Variants in SNX29 observed in about 807,000 individuals in gnomAD.
SNX29 encodes sorting nexin-29.
Under a neutral mutation model 102.1 loss-of-function variants are expected in SNX29, and 78 were observed. That is an observed-to-expected ratio of 0.76 (90% confidence interval 0.64 to 0.92). The LOEUF is 0.92. Among genes scored for constraint, SNX29 ranks in the 40% least tolerant of loss-of-function variants. The pLI is 0.00. For synonymous variants in SNX29, 580 were observed against 414.5 expected (o/e 1.40, Z -4.85); for missense variants, 1,280 against 1,061.7 (o/e 1.21, Z -2.86).
At chr16:12,239,668 A>AT (rs2078041623) in intron 14 of SNX29, among the ~76,000 whole-genome samples, 1 of 128,730 alleles carries the variant, frequency 7.8e-6, no homozygotes, top group South Asian at 2.3e-4. Context: ...AAAAAAAAAA[A>AT]ATTAGTCCGG....
At chr16:12,198,397 T>TA (rs1289054877) in intron 13 of SNX29, among the ~76,000 whole-genome samples, 1 of 149,026 alleles carries the variant, frequency 6.7e-6, no homozygotes, top group Non-Finnish European at 1.5e-5. Flanking sequence ...ATTGGGGTCT[T>TA]ACCATGTTTT....
chr16:12,375,673 C>G (rs1364735523), intron 16 of SNX29: 1 of 152,192 alleles, frequency 6.6e-6, no homozygotes, highest in Non-Finnish European at 1.5e-5. Flanking sequence ...TTCACTGCGG[C>G]CAAAGAAAGC....
chr16:12,549,131 G>C (rs1005753050), intron 20 of SNX29, among the ~76,000 whole-genome samples: 3 of 152,118 alleles, frequency 2.0e-5, no homozygotes, highest in Non-Finnish European at 2.9e-5. Context: ...GAAAATTCTG[G>C]GGTAGTTTTG....
chr16:12,074,578 C>G (rs1219190966), intron 10 of SNX29, among the ~76,000 whole-genome samples: 2 of 152,162 alleles, frequency 1.3e-5, no homozygotes, highest in South Asian at 2.1e-4. Flanking sequence ...CCCGACCTTT[C>G]TCTCTGGCTG....
chr16:12,521,127 C>T (rs534459224), intron 19 of SNX29, among the ~76,000 whole-genome samples: 85 of 152,292 alleles, frequency 5.6e-4, no homozygotes, highest in Admixed American at 1.2e-3. Flanking sequence ...TTGCAGTGAG[C>T]TGAGATCGTG....
At chr16:12,100,005 G>A (rs767979227) in intron 11 of SNX29, among the ~76,000 whole-genome samples, 1 of 152,154 alleles carries the variant, frequency 6.6e-6, no homozygotes, top group Non-Finnish European at 1.5e-5. Flanking sequence ...CCCATGCAGC[G>A]GCTACTGTTA....
rs1380171738 is a variant in SNX29, at chr16:12,574,033, GTC to G, written c.*5406_*5407del. On this transcript the variant is annotated 3_prime_UTR_variant, in exon 21 of 21. Transcript: ENST00000566228. Reference sequence around the variant, plus strand: ...AGGGTAAGCAGGCCACATATCTAGAGTCTGATAGTCTGTGTGTACATAAGGTC... The same window carrying G: ...AGGGTAAGCAGGCCACATATCTAGAGTGATAGTCTGTGTGTACATAAGGTC... 6 of 194,888 alleles carry G rather than the reference GTC, an allele frequency of 3.1e-5. No individual in the cohort carries two copies. The highest frequency in any genetic ancestry group is 2.4e-4 in the East Asian group (3 of 12,304). The allele number at this position is 194,888 out of a possible 1,614,324, so 12.1% of individuals were successfully genotyped here.
At chr16:12,190,999 G>A (rs1486193241) in intron 13 of SNX29, among the ~76,000 whole-genome samples, 2 of 152,116 alleles carry the variant, frequency 1.3e-5, no homozygotes, top group African/African-American at 2.4e-5. Flanking sequence ...GTAGAGCAGC[G>A]GTCCCCAACT....
chr16:12,554,985 G>A (rs2078237489), intron 20 of SNX29, among the ~76,000 whole-genome samples: 1 of 151,952 alleles, frequency 6.6e-6, no homozygotes, highest in Non-Finnish European at 1.5e-5. Flanking sequence ...CAGTCAGCCG[G>A]AGCACCTTTC....
chr16:12,540,682 CTTG>C (rs919624923), intron 20 of SNX29, among the ~76,000 whole-genome samples: 11 of 152,338 alleles, frequency 7.2e-5, no homozygotes, highest in East Asian at 1.9e-4. Flanking sequence ...GCTGGTCCCT[CTTG>C]TTGTAGAAGC....
At chr16:12,029,461 C>G (rs1268664150) in intron 4 of SNX29, among the ~76,000 whole-genome samples, 1 of 152,122 alleles carries the variant, frequency 6.6e-6, no homozygotes, top group Admixed American at 6.6e-5. Context: ...TTTGTAGCCA[C>G]TGGAAACCCA....
At chr16:12,404,122 G>A (rs1194999132) in intron 18 of SNX29, among the ~76,000 whole-genome samples, 1 of 152,176 alleles carries the variant, frequency 6.6e-6, no homozygotes, top group Non-Finnish European at 1.5e-5. Context: ...CTGACCACAT[G>A]TCTGAGAGTG....
chr16:12,337,404 C>T (rs1365751205), intron 15 of SNX29, among the ~76,000 whole-genome samples: 5 of 152,010 alleles, frequency 3.3e-5, no homozygotes, highest in Non-Finnish European at 5.9e-5. Context: ...TGCAGTGGTG[C>T]GATCTCGGTT....
intron 18 of SNX29, among the ~76,000 whole-genome samples, chr16:12,445,759 C>T (rs545246269): frequency 1.1e-4 from 16 of 152,300 alleles, no homozygotes; most frequent in African/African-American, 3.8e-4. Flanking sequence ...CTCAGCATGG[C>T]GTCTACTGTA....
chr16:12,551,237 A>C (rs1158167564), intron 20 of SNX29, among the ~76,000 whole-genome samples: 2 of 152,110 alleles, frequency 1.3e-5, no homozygotes, highest in East Asian at 3.9e-4. Flanking sequence ...TCTTCTGAGG[A>C]CAGTCTAAAA....
chr16:12,570,368 C>A lies in SNX29; in HGVS notation c.*1739C>A, dbSNP rs1469987828. 8.6e-6 allele frequency: 4 copies of A among 463,096 alleles called. No homozygotes were observed. Among genetic ancestry groups the A allele is most frequent in the African/African-American group, 2.0e-5 (1 of 49,476 alleles). 28.7% of individuals were successfully genotyped at this position (463,096 alleles called of 1,614,324 possible). ...CACCTGCCAACATTGCTGCAATACACATGGTTTATCTGAAATTCCAAGGCC... is the reference window on the plus strand; with the variant it reads ...CACCTGCCAACATTGCTGCAATACAAATGGTTTATCTGAAATTCCAAGGCC... On this transcript the variant is annotated 3_prime_UTR_variant, in exon 21 of 21. Transcript: ENST00000566228.
chr16:12,520,432 C>G (rs978587920), intron 19 of SNX29, among the ~76,000 whole-genome samples: 2 of 152,220 alleles, frequency 1.3e-5, no homozygotes, highest in Non-Finnish European at 2.9e-5. Context: ...CCCTGCTCAG[C>G]CACCTCCTAG....
chr16:12,341,251 A>T (rs2151257431), intron 15 of SNX29, among the ~76,000 whole-genome samples: 1 of 152,326 alleles, frequency 6.6e-6, no homozygotes, highest in Non-Finnish European at 1.5e-5. Context: ...TCAAATTCTG[A>T]CTTCACCACT....
At chr16:12,387,606 T>A (rs1235330883) in intron 16 of SNX29, among the ~76,000 whole-genome samples, 1 of 152,178 alleles carries the variant, frequency 6.6e-6, no homozygotes, top group African/African-American at 2.4e-5. Flanking sequence ...ATGCTGGGCA[T>A]TTTAAAATAG....
Sources: gnomAD v4.1 joint callset for allele counts (sites outside exome capture counted in the v4.1 genomes callset) on GRCh38, gnomAD v4.1.1 for gene constraint, MANE v1.5 for transcripts, NCBI Gene and HGNC (gene_info 2026-07-23, HGNC 2026-07-21) for gene names.